Variants in KHDRBS2 observed in about 807,000 individuals in gnomAD.
KHDRBS2 encodes KH RNA binding domain containing, signal transduction associated 2.
In KHDRBS2, 26 loss-of-function variants were observed where a neutral mutation model predicts 44.3. The observed-to-expected ratio is 0.59, with a 90% CI of 0.43 to 0.81. The LOEUF (loss-of-function observed/expected upper bound fraction) is 0.81, where lower values mean the gene tolerates loss of function less well. KHDRBS2 is among the 40% of genes least tolerant of loss of function. KHDRBS2 has a pLI of 0.00. For synonymous variants in KHDRBS2, 194 were observed against 151.1 expected (o/e 1.28, Z -2.08); for missense variants, 476 against 433.1 (o/e 1.10, Z -0.88).
At chr6:62,062,274 A>G (rs1376638965) in intron 2 of KHDRBS2, among the ~76,000 whole-genome samples, 1 of 148,568 alleles carries the variant, frequency 6.7e-6, no homozygotes, top group African/African-American at 2.5e-5. Context: ...TGCACCAAGC[A>G]GACCTAATAG....
chr6:62,028,864 C>T lies in KHDRBS2; in HGVS notation c.336+19014G>A, dbSNP rs190989570. Among the ~76,000 whole-genome samples, 24 of 152,112 alleles carry T rather than the reference C, an allele frequency of 1.6e-4. No homozygotes were observed. The East Asian group carries it at 4.5e-3, about 28-fold the overall frequency. On this transcript the variant is annotated intron_variant, in intron 3 of 8. Transcript: ENST00000281156. ...CGACACATGTGAGAATTCACAGGAC[C>T]TCTTTGTCTTAGTGTATGAAAAACA...
chr6:62,152,256 T>G (rs1268301411), intron 2 of KHDRBS2, among the ~76,000 whole-genome samples: 1 of 151,786 alleles, frequency 6.6e-6, no homozygotes, highest in East Asian at 1.9e-4. Context: ...GAGGCAGAGG[T>G]TGAGGTGAGC....
chr6:61,620,777 G>T, the KHDRBS2 span, among the ~76,000 whole-genome samples: 1 of 152,150 alleles, frequency 6.6e-6, no homozygotes, highest in Non-Finnish European at 1.5e-5. Flanking sequence ...TTATAGCTGG[G>T]CTACTCCTGC....
intron 3 of KHDRBS2, among the ~76,000 whole-genome samples, chr6:61,997,407 A>G (rs1335576054): frequency 6.6e-6 from 1 of 152,168 alleles, no homozygotes; most frequent in Non-Finnish European, 1.5e-5. Context: ...GGATGCTCGT[A>G]AGTAGTATCA....
the KHDRBS2 span, among the ~76,000 whole-genome samples, chr6:61,635,322 G>T: frequency 6.6e-6 from 1 of 152,066 alleles, no homozygotes; most frequent in Admixed American, 6.6e-5. Flanking sequence ...GGGAGAAGAC[G>T]TGAAGATAAA....
intron 2 of KHDRBS2, among the ~76,000 whole-genome samples, chr6:62,150,913 G>A (rs1245139631): frequency 6.6e-6 from 1 of 152,100 alleles, no homozygotes; most frequent in Non-Finnish European, 1.5e-5. Context: ...AAGAGCCAAA[G>A]GTAATCCTTA....
chr6:61,546,348 G>A, the KHDRBS2 span, among the ~76,000 whole-genome samples: 11 of 151,972 alleles, frequency 7.2e-5, no homozygotes, highest in East Asian at 3.9e-4. Context: ...ACAGGTTATT[G>A]TGCTAGGCCA....
intron 4 of KHDRBS2, among the ~76,000 whole-genome samples, chr6:61,922,167 G>A (rs998385339): frequency 4.0e-5 from 6 of 151,842 alleles, no homozygotes; most frequent in African/African-American, 1.5e-4. Context: ...GAGTAACTTG[G>A]ACCACATTTA....
chr6:61,770,436 G>GA (rs1350203288), intron 6 of KHDRBS2, among the ~76,000 whole-genome samples: 2 of 151,882 alleles, frequency 1.3e-5, no homozygotes, highest in South Asian at 4.2e-4. Context: ...TAAAAGCTTT[G>GA]AAAAAAAATT....
At chr6:61,615,268 A>C in the KHDRBS2 span, among the ~76,000 whole-genome samples, 1 of 151,374 alleles carries the variant, frequency 6.6e-6, no homozygotes, top group Non-Finnish European at 1.5e-5. Flanking sequence ...AAAAAGAAAA[A>C]AAACAAGAAG....
At chr6:61,691,546 A>T (rs1255207677) in intron 8 of KHDRBS2, among the ~76,000 whole-genome samples, 1 of 152,100 alleles carries the variant, frequency 6.6e-6, no homozygotes, top group Non-Finnish European at 1.5e-5. Context: ...CAACTTTAAT[A>T]CAATAAATCT....
At chr6:62,254,453 T>C (rs1195850401) in intron 1 of KHDRBS2, among the ~76,000 whole-genome samples, 3 of 151,138 alleles carry the variant, frequency 2.0e-5, no homozygotes, top group African/African-American at 7.3e-5. Context: ...CAGAGGGGAG[T>C]GAGGAGGTTA....
At chr6:62,259,780 C>T (rs1284618904) in intron 1 of KHDRBS2, among the ~76,000 whole-genome samples, 1 of 151,906 alleles carries the variant, frequency 6.6e-6, no homozygotes, top group Non-Finnish European at 1.5e-5. Flanking sequence ...ATATTCATTG[C>T]CACTTAGCCC....
chr6:62,085,494 G>A (rs1442583753), intron 2 of KHDRBS2, among the ~76,000 whole-genome samples: 3 of 151,990 alleles, frequency 2.0e-5, no homozygotes, highest in African/African-American at 7.2e-5. Flanking sequence ...AAAGGCAACA[G>A]GAAAACATAT....
chr6:62,005,054 G>A (rs1054524343), intron 3 of KHDRBS2, among the ~76,000 whole-genome samples: 11 of 152,018 alleles, frequency 7.2e-5, no homozygotes, highest in African/African-American at 2.7e-4. Flanking sequence ...TTTAAACAAA[G>A]GCTAAACACT....
At chr6:62,054,871 GATTGTT>G (rs1789907245) in intron 2 of KHDRBS2, among the ~76,000 whole-genome samples, 1 of 152,026 alleles carries the variant, frequency 6.6e-6, no homozygotes, top group African/African-American at 2.4e-5. Context: ...AGTTTGTGGT[GATTGTT>G]ATAGAAGCGA....
intron 1 of KHDRBS2, among the ~76,000 whole-genome samples, chr6:62,282,763 T>G (rs565536175): frequency 8.5e-5 from 13 of 152,294 alleles, no homozygotes; most frequent in Admixed American, 7.2e-4. Flanking sequence ...GTGCAGCCAT[T>G]GAATTTTTGT....
chr6:61,916,066 G>T (rs1283642602), intron 4 of KHDRBS2, among the ~76,000 whole-genome samples: 1 of 151,972 alleles, frequency 6.6e-6, no homozygotes, highest in African/African-American at 2.4e-5. Context: ...CAAGAGATTT[G>T]ATTTCCACAG....
chr6:62,020,733 T>C (rs1383495584), intron 3 of KHDRBS2, among the ~76,000 whole-genome samples: 1 of 152,032 alleles, frequency 6.6e-6, no homozygotes, highest in Non-Finnish European at 1.5e-5. Context: ...ATCTAAGTTA[T>C]CTGATATAAA....
Sources: allele counts gnomAD v4.1 joint callset (sites outside exome capture counted in the v4.1 genomes callset), GRCh38; gene constraint gnomAD v4.1.1; transcripts MANE v1.5; gene names NCBI Gene and HGNC (gene_info 2026-07-23, HGNC 2026-07-21).